Variants in AP3D1 observed in about 807,000 individuals in gnomAD.
AP3D1 encodes adaptor related protein complex 3 subunit delta 1.
AP3D1 carries 51 observed loss-of-function variants against 147.6 expected under a neutral mutation model. The ratio of observed to expected loss-of-function variants is 0.35; its 90% CI spans 0.28 to 0.44. The LOEUF is 0.44. Ranked by LOEUF, AP3D1 falls within the 20% of genes least tolerant of loss-of-function variation. The pLI is 1.00. For missense variants in AP3D1, 1,421 were observed against 1,624.2 expected, an observed-to-expected ratio of 0.87 and a Z score of 2.15; for synonymous variants, 760 against 663.0, an observed-to-expected ratio of 1.15 and a Z score of -2.25.
In AP3D1 at chr19:2,138,624, T is replaced by C. The variant is rs1457843839; in HGVS notation, c.187A>G (p.Thr63Ala). 1 of 1,613,832 alleles carries C rather than the reference T, an allele frequency of 6.2e-7. No homozygotes were observed. The change falls in exon 2 of 32, where the codon ACG becomes GCG. Residue 63 changes from threonine (T) to alanine (A), a missense_variant. Transcript: ENST00000643116. Reference protein sequence around the residue: ...AVKANAVCKLTYLQMLGYDIS... With the variant: ...AVKANAVCKLAYLQMLGYDIS... Reference sequence around the variant, plus strand: ...GGCCACTGGGAGGCACTTACATACGTCAGCTTGCAGACCGCGTTCGCCTTC... The same window carrying C: ...GGCCACTGGGAGGCACTTACATACGCCAGCTTGCAGACCGCGTTCGCCTTC...
intron 22 of AP3D1, among the ~76,000 whole-genome samples, chr19:2,113,701 C>A (rs78459957): frequency 5.9e-5 from 9 of 152,170 alleles, no homozygotes; most frequent in Non-Finnish European, 1.2e-4. Context: ...TTATGTCTGC[C>A]TGGGCCACCT....
intron 1 of AP3D1, among the ~76,000 whole-genome samples, chr19:2,158,216 C>T (rs942406227): frequency 6.6e-6 from 1 of 152,002 alleles, no homozygotes; most frequent in African/African-American, 2.4e-5. Context: ...CCACCACGCC[C>T]GGCTAATTTT....
intron 31 of AP3D1, among the ~76,000 whole-genome samples, chr19:2,102,780 TA>T (rs1555698831): frequency 9.2e-6 from 1 of 109,260 alleles, no homozygotes; most frequent in Non-Finnish European, 1.9e-5. Flanking sequence ...AATAAATAAA[TA>T]AAATAAAAAT....
At chr19:2,129,230 G>T (rs1004912063) in intron 7 of AP3D1, 67 bp from the exon 8 acceptor site, 11 of 1,610,094 alleles carry the variant, frequency 6.8e-6, no homozygotes, top group South Asian at 6.6e-5. Context: ...GACAGGGGGG[G>T]CCTCGGTCAC....
chr19:2,147,128 T>C (rs879258462), intron 1 of AP3D1, among the ~76,000 whole-genome samples: 2 of 152,130 alleles, frequency 1.3e-5, no homozygotes, highest in Admixed American at 6.6e-5. Context: ...GTGGATCACC[T>C]GAGGTCGGGA....
chr19:2,108,443 G>T (rs2018171649), intron 31 of AP3D1, among the ~76,000 whole-genome samples: 1 of 152,168 alleles, frequency 6.6e-6, no homozygotes, highest in African/African-American at 2.4e-5. Flanking sequence ...TGGGAGTGGG[G>T]CCCCTGGAGC....
At chr19:2,119,046 C>T (rs2018538167) in intron 14 of AP3D1, among the ~76,000 whole-genome samples, 1 of 152,204 alleles carries the variant, frequency 6.6e-6, no homozygotes, top group South Asian at 2.1e-4. Context: ...GTGGAGATGA[C>T]AGAGCCACTG....
chr19:2,162,481 C>T (rs1007357262), intron 1 of AP3D1, among the ~76,000 whole-genome samples: 8 of 151,084 alleles, frequency 5.3e-5, no homozygotes, highest in African/African-American at 1.7e-4. Flanking sequence ...GCCAACATGG[C>T]GGAAATGCAT....
chr19:2,118,809 G>C lies in AP3D1; in HGVS notation c.1505C>G (p.Thr502Ser), dbSNP rs1018072719. 6.2e-7 allele frequency: 1 copy of C among 1,613,662 alleles called. No homozygotes were observed. Among genetic ancestry groups the C allele is most frequent in the Non-Finnish European group, 8.5e-7 (1 of 1,180,000 alleles). The change falls in exon 15 of 32, where the codon ACT becomes AGT. Residue 502 changes from threonine (T) to serine (S), a missense_variant. Coordinates refer to ENST00000643116, the MANE Select transcript of AP3D1 (RefSeq NM_001261826.3). ...TCTGGGCCGCAGCATGGCCTCCAAA[G>C]TGTGGTGTGGTTCCTGCAGATGCCT... ...FSEHLQEPHH[T>S]LEAMLRPRVT...
At chr19:2,107,793 GAA>G (rs1029850366) in intron 31 of AP3D1, among the ~76,000 whole-genome samples, 2 of 148,538 alleles carry the variant, frequency 1.3e-5, no homozygotes, top group African/African-American at 4.9e-5. Flanking sequence ...GGAGAACCAG[GAA>G]AAAAGAGACA....
At position 2,127,155 on chromosome 19, in the gene AP3D1, C is replaced by A; in HGVS notation, c.853G>T (p.Ala285Ser). Residue 285 changes from alanine (A) to serine (S), a missense_variant, in exon 9 of 32, where the codon GCA (alanine) becomes TCA (serine). This residue lies in a region of AP3D1 where 292 missense variants were observed against 412.0 expected (regional missense o/e 0.71). Transcript: ENST00000643116. ...LLYECVNTVI[A>S]VLISLSSGMP... ...TGGGGAGAGTGCCAGTTCTCACCTG[C>A]AATCACGGTGTTCACACATTCATAG... The A allele has an allele frequency of 1.2e-6, 2 of 1,614,024 alleles. No homozygotes were observed. The highest frequency in any genetic ancestry group is 1.6e-4 in the Middle Eastern group (1 of 6,062).
At chr19:2,102,728 A>AAAT (rs2017990151) in intron 31 of AP3D1, among the ~76,000 whole-genome samples, 15 of 129,622 alleles carry the variant, frequency 1.2e-4, no homozygotes, top group African/African-American at 3.9e-4. Context: ...ACTGTCTCAA[A>AAAT]AAATAAATAA....
At chr19:2,139,577 C>T (rs2019166963) in intron 1 of AP3D1, among the ~76,000 whole-genome samples, 1 of 152,210 alleles carries the variant, frequency 6.6e-6, no homozygotes, top group Admixed American at 6.5e-5. Flanking sequence ...CGAGTCGATG[C>T]CATGCTGGCC....
intron 12 of AP3D1, 44 bp from the exon 13 acceptor site, chr19:2,121,355 G>A: frequency 2.5e-6 from 4 of 1,603,862 alleles, no homozygotes; most frequent in Non-Finnish European, 3.4e-6. Context: ...GACCCAGCCT[G>A]GGGCCTGCTT....
At chr19:2,113,052 C>T (rs1019990621) in intron 23 of AP3D1, 85 bp from the exon 24 acceptor site, 1 of 990,850 alleles carries the variant, frequency 1.0e-6, no homozygotes, top group Non-Finnish European at 1.5e-6. Context: ...ATGCCACACA[C>T]CCTCAGCTTG....
At chr19:2,124,779 A>G (rs774609835) in intron 9 of AP3D1, among the ~76,000 whole-genome samples, 57 of 152,288 alleles carry the variant, frequency 3.7e-4, no homozygotes, top group South Asian at 1.5e-3. Flanking sequence ...TGTCTCTACT[A>G]AAAATACAAA....
Position 2,127,145 on chromosome 19 carries a change from T to C in AP3D1, c.856+7A>G, listed in dbSNP as rs781581789. Reference sequence around the variant, plus strand: ...CCCTTCCAGATGGGGAGAGTGCCAGTTCTCACCTGCAATCACGGTGTTCAC... The same window carrying C: ...CCCTTCCAGATGGGGAGAGTGCCAGCTCTCACCTGCAATCACGGTGTTCAC... On this transcript the variant is annotated splice_region_variant and intron_variant, in intron 9 of 31. Transcript: ENST00000643116. 4 of 1,613,780 alleles carry C rather than the reference T, an allele frequency of 2.5e-6. No individual in the cohort carries two copies. The African/African-American group carries it at 5.3e-5, about 22-fold the overall frequency.
At position 2,110,842 on chromosome 19, in the gene AP3D1, C is replaced by T. The variant is rs4806830; in HGVS notation, c.3040G>A (p.Val1014Met). The change falls in exon 27 of 32, where the codon GTG (valine) becomes ATG (methionine). Residue 1014 changes from valine to methionine, a missense_variant. Val to Met is a conservative substitution (Grantham distance 21). Transcript: ENST00000643116. ...QEDSQVTVAI[V>M]LENRSSSILK... ...ATGCTGCTGCTCCTGTTCTCCAGCA[C>T]GATGGCCACAGTGACCTGGCTGTCC... The T allele has an allele frequency of 5.6e-6, 9 of 1,613,622 alleles. No individual in the cohort carries two copies. The highest frequency in any genetic ancestry group is 2.2e-5 in the East Asian group (1 of 44,884).
intron 31 of AP3D1, among the ~76,000 whole-genome samples, chr19:2,103,385 T>C (rs2018013923): frequency 6.6e-6 from 1 of 152,120 alleles, no homozygotes; most frequent in Admixed American, 6.5e-5. Flanking sequence ...GCTCCTGAGC[T>C]AGCAGACAGT....
Sources: gnomAD v4.1 joint callset for allele counts (sites outside exome capture counted in the v4.1 genomes callset) on GRCh38, gnomAD v4.1.1 for gene constraint, gnomAD v4.1.1 regional missense constraint, MANE v1.5 for transcripts, NCBI Gene and HGNC (gene_info 2026-07-23, HGNC 2026-07-21) for gene names.